CRYBG1: variants seen among roughly 807,000 people sequenced by gnomAD.
CRYBG1 encodes the protein crystallin beta-gamma domain containing 1.
A neutral mutation model predicts 189.2 loss-of-function variants in CRYBG1; 139 were observed. The ratio of observed to expected loss-of-function variants is 0.73; its 90% confidence interval spans 0.64 to 0.85. The LOEUF is 0.85. Ranked by LOEUF, CRYBG1 falls within the 40% of genes least tolerant of loss-of-function variation. The pLI, the probability that CRYBG1 is intolerant of heterozygous loss-of-function variation, is 0.00. For synonymous variants in CRYBG1, 1,023 were observed against 1,017.1 expected (o/e 1.01, Z -0.11); for missense variants, 2,611 against 2,675.8 (o/e 0.98, Z 0.53).
chr6:106,506,548 A>T (rs1352023259), intron 2 of CRYBG1, among the ~76,000 whole-genome samples: 1 of 136,294 alleles, frequency 7.3e-6, no homozygotes, highest in African/African-American at 2.8e-5. Context: ...CGCCTCCTGG[A>T]TTGAAGCAAT....
chr6:106,553,104 T>G (rs1397035292), intron 15 of CRYBG1, among the ~76,000 whole-genome samples: 1 of 152,216 alleles, frequency 6.6e-6, no homozygotes, highest in Non-Finnish European at 1.5e-5. Flanking sequence ...ACTATGTCTT[T>G]CCAAAATACT....
chr6:106,507,345 G>C (rs1217003067), intron 2 of CRYBG1, among the ~76,000 whole-genome samples: 3 of 152,202 alleles, frequency 2.0e-5, no homozygotes, highest in Non-Finnish European at 2.9e-5. Flanking sequence ...AGGTGTGCAG[G>C]CTGCCTTAAG....
intron 1 of CRYBG1, among the ~76,000 whole-genome samples, chr6:106,415,949 C>T (rs1180841577): frequency 6.6e-6 from 1 of 151,984 alleles, no homozygotes; most frequent in Admixed American, 6.6e-5. Flanking sequence ...TTTTTAGTGC[C>T]CAGTTCCCCT....
intron 1 of CRYBG1, chr6:106,449,287 A>T (rs967624804): frequency 6.6e-6 from 1 of 152,206 alleles, no homozygotes; most frequent in African/African-American, 2.4e-5. Context: ...GAGTCAGTCA[A>T]TGGGCACATA....
intron 8 of CRYBG1, among the ~76,000 whole-genome samples, chr6:106,530,873 C>A (rs570759895): frequency 1.3e-5 from 2 of 152,294 alleles, no homozygotes; most frequent in East Asian, 3.9e-4. Context: ...AAGTGAAGCA[C>A]AAAGCCCCAA....
chr6:106,571,945 A>G lies in CRYBG1; in HGVS notation c.*3379A>G, dbSNP rs371472208. On this transcript the variant is annotated 3_prime_UTR_variant, in exon 22 of 22. Coordinates refer to ENST00000633556, the MANE Select transcript of CRYBG1 (RefSeq NM_001371242.2). ...GATGGCTAGAAAAAAATTTGGGCTC[A>G]CAGGCACTCACCAAATAAGAACGTC... 1.2e-4 allele frequency: 165 copies of G among 1,395,798 alleles called. 1 individual carries two copies. The African/African-American group carries it at 1.8e-3, about 15-fold the overall frequency. 86.5% of individuals were successfully genotyped at this position (1,395,798 alleles called of 1,614,324 possible). A position where few individuals can be genotyped will look rare whatever the true frequency, so the allele number is the denominator to read the frequency against.
intron 21 of CRYBG1, among the ~76,000 whole-genome samples, chr6:106,566,080 A>G (rs1438347156): frequency 6.6e-6 from 1 of 150,722 alleles, no homozygotes; most frequent in African/African-American, 2.5e-5. Context: ...CCTTAGCTAG[A>G]GCTTTCTTCT....
In CRYBG1 at chr6:106,455,552, AAG is replaced by A. The variant is rs139842462; in HGVS notation, c.312+3725_312+3726del. ...TATTAATTAAAATATAATATCTTCAAAGAGAGTACTTGCCTTAATGAGAATTT... is the reference window on the plus strand; with the variant it reads ...TATTAATTAAAATATAATATCTTCAAAGAGTACTTGCCTTAATGAGAATTT... On this transcript the variant is annotated intron_variant, in intron 2 of 21. Coordinates refer to ENST00000633556, the MANE Select transcript of CRYBG1 (RefSeq NM_001371242.2). Among the ~76,000 whole-genome samples the A allele has an allele frequency of 5.9e-3, 904 of 152,046 alleles. 16 individuals carry two copies. Among genetic ancestry groups the A allele is most frequent in the African/African-American group, 0.021 (881 of 41,520 alleles).
chr6:106,482,780 AT>A (rs5878894), intron 2 of CRYBG1, among the ~76,000 whole-genome samples: 70,211 of 151,032 alleles, frequency 0.46, 19,291 homozygotes, highest in African/African-American at 0.77. Context: ...ATCTCAAAAA[AT>A]AATAATCATA....
intron 2 of CRYBG1, among the ~76,000 whole-genome samples, chr6:106,482,186 G>C (rs201533012): frequency 0.1 from 14,363 of 140,272 alleles, no homozygotes; most frequent in East Asian, 0.17. Context: ...TGAAGTTGTA[G>C]AACTCATAGC....
At chr6:106,437,537 A>C (rs1318223107) in intron 1 of CRYBG1, among the ~76,000 whole-genome samples, 2 of 152,084 alleles carry the variant, frequency 1.3e-5, no homozygotes, top group Non-Finnish European at 2.9e-5. Flanking sequence ...CCTGGGGTCA[A>C]GCAATCCTCC....
intron 2 of CRYBG1, among the ~76,000 whole-genome samples, chr6:106,499,526 A>T (rs542746719): frequency 1.3e-5 from 2 of 151,964 alleles, no homozygotes; most frequent in Non-Finnish European, 2.9e-5. Context: ...AAATAATTTT[A>T]TATATGGGGT....
intron 1 of CRYBG1, among the ~76,000 whole-genome samples, chr6:106,382,557 G>A (rs568748926): frequency 2.0e-5 from 3 of 152,252 alleles, no homozygotes; most frequent in Admixed American, 6.5e-5. Context: ...TTTTGGCCAA[G>A]CATGGTGGCT....
chr6:106,479,750 T>A (rs1382409440), intron 2 of CRYBG1, among the ~76,000 whole-genome samples: 1 of 152,232 alleles, frequency 6.6e-6, no homozygotes, highest in East Asian at 1.9e-4. Context: ...TGAAATTATT[T>A]GCTTATTTTT....
At chr6:106,504,886 T>C (rs1773095145) in intron 2 of CRYBG1, among the ~76,000 whole-genome samples, 1 of 151,948 alleles carries the variant, frequency 6.6e-6, no homozygotes, top group African/African-American at 2.4e-5. Flanking sequence ...ACACTTATCA[T>C]GGGAAAATAC....
At chr6:106,505,545 G>A (rs1773113083) in intron 2 of CRYBG1, among the ~76,000 whole-genome samples, 1 of 151,976 alleles carries the variant, frequency 6.6e-6, no homozygotes, top group African/African-American at 2.4e-5. Context: ...TTCTGTGTGT[G>A]TTTCTCCTTT....
At chr6:106,517,331 C>T (rs1378558393) in intron 3 of CRYBG1, among the ~76,000 whole-genome samples, 1 of 118,816 alleles carries the variant, frequency 8.4e-6, no homozygotes, top group Non-Finnish European at 1.7e-5. Flanking sequence ...TATATATACA[C>T]ATATATATAT....
At position 106,465,022 on chromosome 6, in the gene CRYBG1, A is replaced by T. The variant is rs1772083486; in HGVS notation, c.312+13190A>T. ...GTGAATGCAAAAAATATACCTGATCAATATTTATTCATCTTTAAAACTCTG... is the reference window on the plus strand; with the variant it reads ...GTGAATGCAAAAAATATACCTGATCTATATTTATTCATCTTTAAAACTCTG... On this transcript the variant is annotated intron_variant, in intron 2 of 21. Coordinates refer to ENST00000633556, the MANE Select transcript of CRYBG1 (RefSeq NM_001371242.2). Among the ~76,000 whole-genome samples, 3 of 152,238 alleles carry T rather than the reference A, an allele frequency of 2.0e-5. No homozygotes were observed. In the South Asian group the frequency reaches 6.2e-4, roughly 32 times the overall value.
chr6:106,389,981 A>C (rs1259676556), intron 1 of CRYBG1, among the ~76,000 whole-genome samples: 1 of 152,128 alleles, frequency 6.6e-6, no homozygotes, highest in Non-Finnish European at 1.5e-5. Flanking sequence ...CTTTTTGTGT[A>C]AACCTTTGGA....
Sources: allele counts gnomAD v4.1 joint callset (sites outside exome capture counted in the v4.1 genomes callset), GRCh38; gene constraint gnomAD v4.1.1; transcripts MANE v1.5; gene names NCBI Gene and HGNC (gene_info 2026-07-23, HGNC 2026-07-21).